The following TMEM178B variants were observed in gnomAD, a reference collection of about 807,000 sequenced individuals.
TMEM178B encodes transmembrane protein 178B.
TMEM178B carries 5 observed loss-of-function variants against 31.0 expected under a neutral mutation model. That is an observed-to-expected ratio of 0.16 (90% confidence interval 0.08 to 0.34). The LOEUF is 0.34. TMEM178B is among the 10% of genes least tolerant of loss of function. The probability of loss-of-function intolerance (pLI) is 1.00; values close to 1 mark genes in which losing one functional copy is unlikely to be tolerated. For synonymous variants in TMEM178B, 164 were observed against 164.0 expected (o/e 1.00, Z 0.00); for missense variants, 275 against 400.3 (o/e 0.69, Z 2.67).
intron 1 of TMEM178B, among the ~76,000 whole-genome samples, chr7:141,181,330 A>G (rs1796526957): frequency 6.6e-6 from 1 of 152,256 alleles, no homozygotes; most frequent in South Asian, 2.1e-4. Flanking sequence ...CAGTGGTAAT[A>G]TACAATACAG....
chr7:141,314,252 G>A (rs1798962825), intron 2 of TMEM178B, among the ~76,000 whole-genome samples: 1 of 152,172 alleles, frequency 6.6e-6, no homozygotes, highest in Non-Finnish European at 1.5e-5. Context: ...CTCTCAGGAG[G>A]ACAGGTTTCA....
chr7:141,246,335 A>G (rs1797729545), intron 2 of TMEM178B, among the ~76,000 whole-genome samples: 3 of 152,218 alleles, frequency 2.0e-5, no homozygotes, highest in African/African-American at 7.2e-5. Flanking sequence ...CCCCATGTGG[A>G]TGCAAGTGGC....
intron 2 of TMEM178B, among the ~76,000 whole-genome samples, chr7:141,215,782 CTTTCTTT>C (rs1563120243): frequency 0.021 from 859 of 41,290 alleles, 13 homozygotes; most frequent in East Asian, 0.085. Context: ...ACTTTCCTTT[CTTTCTTT>C]CTTTCTTTCT....
rs114529717 is a variant in TMEM178B, at chr7:141,416,625, A to G, written c.497-20983A>G. Among the ~76,000 whole-genome samples the G allele has an allele frequency of 4.4e-3, 677 of 152,364 alleles. 8 individuals carry two copies. The highest frequency in any genetic ancestry group is 0.016 in the African/African-American group (656 of 41,592). On this transcript the variant is annotated intron_variant, in intron 2 of 3. Transcript: ENST00000565468. Reference sequence around the variant, plus strand: ...CCGTTTCCTTTGGGAGAACTGAAAAACAAAGGCTTTGCCCAAATGTTTCTC... The same window carrying G: ...CCGTTTCCTTTGGGAGAACTGAAAAGCAAAGGCTTTGCCCAAATGTTTCTC...
intron 2 of TMEM178B, among the ~76,000 whole-genome samples, chr7:141,358,875 C>T (rs1799869077): frequency 6.6e-6 from 1 of 152,158 alleles, no homozygotes; most frequent in Admixed American, 6.5e-5. Flanking sequence ...TTCTGATTTT[C>T]AGAAGCTTTA....
At chr7:141,380,574 T>C (rs1012630549) in intron 2 of TMEM178B, among the ~76,000 whole-genome samples, 7 of 152,004 alleles carry the variant, frequency 4.6e-5, no homozygotes, top group Non-Finnish European at 1.0e-4. Flanking sequence ...TCCAGTAGTT[T>C]GATTAAACTT....
intron 1 of TMEM178B, among the ~76,000 whole-genome samples, chr7:141,178,663 G>A (rs1370392001): frequency 1.3e-5 from 2 of 152,198 alleles, no homozygotes; most frequent in African/African-American, 2.4e-5. Flanking sequence ...CTGTTTTGCT[G>A]TAATGCAATT....
At chr7:141,499,413 AGC>A in the TMEM178B span, among the ~76,000 whole-genome samples, 1 of 146,106 alleles carries the variant, frequency 6.8e-6, no homozygotes, top group Non-Finnish European at 1.5e-5. Context: ...GGATTGGTTG[AGC>A]CCAGGAGTTC....
intron 2 of TMEM178B, among the ~76,000 whole-genome samples, chr7:141,257,164 C>A (rs1797941324): frequency 6.6e-6 from 1 of 152,182 alleles, no homozygotes. Context: ...GTTGCAGAAG[C>A]AGGTAAATAA....
At chr7:141,319,799 A>AGAGT (rs1281216070) in intron 2 of TMEM178B, among the ~76,000 whole-genome samples, 15 of 152,180 alleles carry the variant, frequency 9.9e-5, no homozygotes, top group African/African-American at 3.6e-4. Flanking sequence ...CTTTAGAGAA[A>AGAGT]GCGTGCTTGG....
chr7:141,423,202 A>G (rs1801246463), intron 2 of TMEM178B, among the ~76,000 whole-genome samples: 1 of 151,844 alleles, frequency 6.6e-6, no homozygotes, highest in African/African-American at 2.4e-5. Context: ...TAATTTTTGT[A>G]TTTTTAGTAG....
At chr7:141,484,406 G>A (rs1368083953), downstream of TMEM178B, among the ~76,000 whole-genome samples, 2 of 152,118 alleles carry the variant, frequency 1.3e-5, no homozygotes, top group African/African-American at 2.4e-5. The surrounding 1 kb of genome is among the most constrained non-coding windows in gnomAD (Gnocchi z 4.8). Flanking sequence ...TGCCAAAAAT[G>A]CAAAATCTTA....
intron 1 of TMEM178B, among the ~76,000 whole-genome samples, chr7:141,201,183 C>T (rs922372088): frequency 6.6e-6 from 1 of 152,176 alleles, no homozygotes; most frequent in Non-Finnish European, 1.5e-5. Flanking sequence ...GTGACAGCAC[C>T]GGCACACAGC....
intron 2 of TMEM178B, among the ~76,000 whole-genome samples, chr7:141,273,834 C>A (rs1244130612): frequency 6.6e-6 from 1 of 152,190 alleles, no homozygotes; most frequent in Non-Finnish European, 1.5e-5. Context: ...CTTCTAGTTC[C>A]CACTGCCTGT....
intron 1 of TMEM178B, among the ~76,000 whole-genome samples, chr7:141,161,978 G>A (rs77478282): frequency 0.031 from 4,676 of 152,200 alleles, 111 homozygotes; most frequent in East Asian, 0.12. Flanking sequence ...GTGTGTCTGT[G>A]TGCACTTGCA....
chr7:141,493,449 C>T, the TMEM178B span, among the ~76,000 whole-genome samples: 2 of 152,008 alleles, frequency 1.3e-5, no homozygotes, highest in Non-Finnish European at 2.9e-5. Context: ...CCTCATCCTT[C>T]CCAAACTGTT....
chr7:141,285,891 A>G (rs1007444045), intron 2 of TMEM178B, among the ~76,000 whole-genome samples: 2 of 152,166 alleles, frequency 1.3e-5, no homozygotes, highest in African/African-American at 4.8e-5. Flanking sequence ...GAGTTGAACA[A>G]TGAAAACACA....
rs1158032011 is a variant in TMEM178B at position 141,184,215 on chromosome 7, C to A, written c.383-28376C>A. On this transcript the variant is annotated intron_variant, in intron 1 of 3. Transcript: ENST00000565468. Reference sequence around the variant, plus strand: ...GAGGCCATATTTCTATTATCTTGAACAATATTTTTCACAGTTGCTTGGTAT... The same window carrying A: ...GAGGCCATATTTCTATTATCTTGAAAAATATTTTTCACAGTTGCTTGGTAT... Among the ~76,000 whole-genome samples the A allele has an allele frequency of 2.0e-5, 3 of 152,134 alleles. 1 individual carries two copies. The highest frequency in any genetic ancestry group is 6.5e-5 in the Admixed American group (1 of 15,280).
rs193290432 is a variant in TMEM178B, at chr7:141,432,216, A to G, written c.497-5392A>G. On this transcript the variant is annotated intron_variant, in intron 2 of 3. Coordinates refer to ENST00000565468, the MANE Select transcript of TMEM178B (RefSeq NM_001195278.2). ...GTCGCCCAGGCTGGAGTACAGTGGC[A>G]TGATATTGGCTCACTGCAACCTCCA... Among the ~76,000 whole-genome samples, 206 of 134,644 alleles carry G rather than the reference A, an allele frequency of 1.5e-3. 3 individuals are homozygous for G. Among genetic ancestry groups the G allele is most frequent in the Admixed American group, 0.015 (172 of 11,396 alleles). 88.3% of individuals were successfully genotyped at this position (134,644 alleles called of 152,430 possible). A position where few individuals can be genotyped will look rare whatever the true frequency, so the allele number is the denominator to read the frequency against.
Sources: allele counts gnomAD v4.1 joint callset (sites outside exome capture counted in the v4.1 genomes callset), GRCh38; gene constraint gnomAD v4.1.1; non-coding constraint Gnocchi (gnomAD v3.1); transcripts MANE v1.5; gene names NCBI Gene and HGNC (gene_info 2026-07-23, HGNC 2026-07-21).